Variants in PRXL2C observed in about 807,000 individuals in gnomAD.
The protein encoded by PRXL2C is peroxiredoxin like 2C, also known as peroxiredoxin-like 2C.
PRXL2C carries 38 observed loss-of-function variants against 24.9 expected under a neutral mutation model. That is an observed-to-expected ratio of 1.53 (90% CI 1.18 to 2.00). PRXL2C has a LOEUF of 2.00. PRXL2C is among the 30% of genes most tolerant of loss of function. PRXL2C has a pLI of 0.00. For synonymous variants in PRXL2C, 98 were observed against 117.2 expected (o/e 0.84, Z 1.06); for missense variants, 294 against 290.9 (o/e 1.01, Z -0.08).
At chr9:96,644,057 C>T (rs904992056) in intron 5 of PRXL2C, among the ~76,000 whole-genome samples, 3 of 147,622 alleles carry the variant, frequency 2.0e-5, no homozygotes, top group South Asian at 2.2e-4. Context: ...CGCTTGATCC[C>T]GGGAGGCGGA....
In PRXL2C at chr9:96,639,645, TGAATAC is replaced by T. The variant is rs1440659803; in HGVS notation, c.*2108_*2113del. The T allele has an allele frequency of 6.6e-6, 1 of 152,222 alleles. No homozygotes were observed. The highest frequency in any genetic ancestry group is 2.4e-5 in the African/African-American group (1 of 41,456). The allele number at this position is 152,222 out of a possible 1,614,324, so 9.4% of individuals were successfully genotyped here. Reference sequence around the variant, plus strand: ...AAACATGAAGATATATTCAAATATTTGAATACATTAGTTTTTTTTGTAACTTTATAT... The same window carrying T: ...AAACATGAAGATATATTCAAATATTTATTAGTTTTTTTTGTAACTTTATAT... On this transcript the variant is annotated 3_prime_UTR_variant, in exon 6 of 6. Coordinates refer to ENST00000375234, the MANE Select transcript of PRXL2C (RefSeq NM_153698.2).
At position 96,641,824 on chromosome 9, in the gene PRXL2C, CAG is replaced by C; in HGVS notation, c.614_615del (p.Ser205CysfsTer24). 8.3e-6 allele frequency: 13 copies of C among 1,571,030 alleles called. No individual in the cohort carries two copies. The highest frequency in any genetic ancestry group is 1.1e-5 in the Non-Finnish European group (13 of 1,149,288). On this transcript the variant is annotated frameshift_variant, in exon 6 of 6. Coordinates refer to ENST00000375234, the MANE Select transcript of PRXL2C (RefSeq NM_153698.2). LOFTEE classifies it high-confidence loss of function. ...TGCTGAACTCCTACAAGCTGTAAAACAGAGTTGATAGGTTTGTGATCCAACCT... is the reference window on the plus strand; with the variant it reads ...TGCTGAACTCCTACAAGCTGTAAAACAGTTGATAGGTTTGTGATCCAACCT... Reference protein sequence around the residue: ...RNRLDHKPINSVLQLVGVQHV... With the variant: ...RNRLDHKPINXVLQLVGVQHV...
At chr9:96,646,423 T>C (rs941132430) in intron 4 of PRXL2C, among the ~76,000 whole-genome samples, 5 of 152,212 alleles carry the variant, frequency 3.3e-5, no homozygotes, top group African/African-American at 1.2e-4. Flanking sequence ...GTGCTTTCCA[T>C]TTTAATTCCC....
chr9:96,650,325 T>C (rs1271771184), intron 4 of PRXL2C, among the ~76,000 whole-genome samples: 1 of 152,228 alleles, frequency 6.6e-6, no homozygotes, highest in African/African-American at 2.4e-5. Context: ...TTATTGATTT[T>C]TGTTTGAATT....
At chr9:96,643,872 C>T (rs889792941) in intron 5 of PRXL2C, among the ~76,000 whole-genome samples, 5 of 152,038 alleles carry the variant, frequency 3.3e-5, no homozygotes, top group African/African-American at 4.8e-5. Context: ...TGGTGGCTCA[C>T]ACCTGTAATC....
In PRXL2C at chr9:96,641,661, AG is replaced by A; in HGVS notation, c.*97del. On this transcript the variant is annotated 3_prime_UTR_variant, in exon 6 of 6. Coordinates refer to ENST00000375234, the MANE Select transcript of PRXL2C (RefSeq NM_153698.2). Reference sequence around the variant, plus strand: ...TTCCCTAACTCCTCAAAGGCTGGGAAGGGACAGCAGGTTAGACACTGCACGA... The same window carrying A: ...TTCCCTAACTCCTCAAAGGCTGGGAAGGACAGCAGGTTAGACACTGCACGA... 1 of 1,246,350 alleles carries A rather than the reference AG, an allele frequency of 8.0e-7. No homozygotes were observed. The highest frequency in any genetic ancestry group is 2.8e-5 in the East Asian group (1 of 36,356). 77.2% of individuals were successfully genotyped at this position (1,246,350 alleles called of 1,614,324 possible).
intron 1 of PRXL2C, 121 bp from the exon 2 acceptor site, chr9:96,654,894 C>T: frequency 1.7e-6 from 2 of 1,200,304 alleles, no homozygotes; most frequent in East Asian, 3.0e-5. Context: ...CCGGGACCGG[C>T]GGCTCGGGCG....
At position 96,641,787 on chromosome 9, in the gene PRXL2C, G is replaced by T; in HGVS notation, c.653C>A (p.Thr218Lys). Residue 218 changes from threonine to lysine, a missense_variant, in exon 6 of 6, where the codon ACA becomes AAA. Transcript: ENST00000375234. Reference protein sequence around the residue: ...QLVGVQHVNFTNRPSVIHV With the variant: ...QLVGVQHVNFKNRPSVIHV ...CACATGGATAACTGAAGGTCTGTTT[G>T]TAAAGTTCACATGCTGAACTCCTAC... 1.9e-6 allele frequency: 3 copies of T among 1,578,430 alleles called. No homozygotes were observed. Among genetic ancestry groups the T allele is most frequent in the Non-Finnish European group, 2.6e-6 (3 of 1,153,720 alleles).
At chr9:96,651,269 C>A in intron 4 of PRXL2C, 121 bp downstream of exon 4, 1 of 702,944 alleles carries the variant, frequency 1.4e-6, no homozygotes, top group Non-Finnish European at 2.4e-6. Flanking sequence ...CAGAGTGAGA[C>A]TCCATCTCAA....
In PRXL2C at chr9:96,655,162, C is replaced by T. The variant is rs1220357091; in HGVS notation, c.120G>A (p.Leu40=). Reference sequence around the variant, plus strand: ...ACGGTACCCGCTGCCCGCGGGCGTCCAGCACCGGCAGCTCGGCCACGGCGG... The same window carrying T: ...ACGGTACCCGCTGCCCGCGGGCGTCTAGCACCGGCAGCTCGGCCACGGCGG... ...LAAAVAELPV[L]DARGQRVPFG... is the part of the protein sequence containing the mutation. The change falls in exon 1 of 6, where the codon CTG becomes CTA. Residue 40 remains leucine, a synonymous_variant. Transcript: ENST00000375234. 1.8e-5 allele frequency: 22 copies of T among 1,243,702 alleles called. No homozygotes were observed. Among genetic ancestry groups the T allele is most frequent in the Non-Finnish European group, 2.2e-5 (22 of 996,720 alleles). 77.0% of individuals were successfully genotyped at this position (1,243,702 alleles called of 1,614,324 possible). A position where few individuals can be genotyped will look rare whatever the true frequency, so the allele number is the denominator to read the frequency against.
At chr9:96,643,468 G>A (rs1204455011) in intron 5 of PRXL2C, among the ~76,000 whole-genome samples, 1 of 152,026 alleles carries the variant, frequency 6.6e-6, no homozygotes. Flanking sequence ...GGATTGTCTC[G>A]ATCTCCCGAC....
intron 4 of PRXL2C, among the ~76,000 whole-genome samples, chr9:96,651,119 A>C (rs1848259108): frequency 6.6e-6 from 1 of 152,148 alleles, no homozygotes; most frequent in Non-Finnish European, 1.5e-5. Flanking sequence ...TCTACTAAAA[A>C]TATAAAAAAT....
At chr9:96,655,020 C>A (rs1228608246) in intron 1 of PRXL2C, 70 bp downstream of exon 1, 3 of 1,401,524 alleles carry the variant, frequency 2.1e-6, no homozygotes, top group Admixed American at 6.5e-5. Flanking sequence ...GCAGGAGGCG[C>A]GGCTCGCATC....
rs1848100992 is a variant in PRXL2C, at chr9:96,640,564, A to G, written c.*1195T>C. ...AAAAAAAAGCCAGGCAAGGTGGCTC[A>G]TACCTGTAATCCCAACACATTGGGA... On this transcript the variant is annotated 3_prime_UTR_variant, in exon 6 of 6. Coordinates refer to ENST00000375234, the MANE Select transcript of PRXL2C (RefSeq NM_153698.2). 1 of 142,202 alleles carries G rather than the reference A, an allele frequency of 7.0e-6. No homozygotes were observed. The highest frequency in any genetic ancestry group is 2.2e-4 in the South Asian group (1 of 4,516). The allele number at this position is 142,202 out of a possible 1,614,324, so 8.8% of individuals were successfully genotyped here.
chr9:96,650,868 C>T (rs868184763), intron 4 of PRXL2C, among the ~76,000 whole-genome samples: 11 of 152,220 alleles, frequency 7.2e-5, no homozygotes, highest in African/African-American at 2.6e-4. Flanking sequence ...AAAAATGGAA[C>T]CACATTGAAA....
chr9:96,655,071 AG>A lies in PRXL2C; in HGVS notation c.192+18del, dbSNP rs1807376090. The A allele has an allele frequency of 6.9e-7, 1 of 1,457,290 alleles. No individual in the cohort carries two copies. The highest frequency in any genetic ancestry group is 1.5e-5 in the African/African-American group (1 of 67,544). 90.3% of individuals were successfully genotyped at this position (1,457,290 alleles called of 1,614,324 possible). A position where few individuals can be genotyped will look rare whatever the true frequency, so the allele number is the denominator to read the frequency against. ...GGACCCTGGGCCGCGCTTCCCTTCCAGCCCCGCCGCCCGCTCACCCGCACGA... is the reference window on the plus strand; with the variant it reads ...GGACCCTGGGCCGCGCTTCCCTTCCACCCCGCCGCCCGCTCACCCGCACGA... On this transcript the variant is annotated intron_variant, in intron 1 of 5. Coordinates refer to ENST00000375234, the MANE Select transcript of PRXL2C (RefSeq NM_153698.2).
chr9:96,642,190 G>A (rs1216144879), intron 5 of PRXL2C, among the ~76,000 whole-genome samples: 10 of 151,998 alleles, frequency 6.6e-5, no homozygotes, highest in African/African-American at 1.7e-4. Flanking sequence ...CCTGTCAGAC[G>A]GGCAGAATAC....
chr9:96,650,700 C>T (rs756902127), intron 4 of PRXL2C, among the ~76,000 whole-genome samples: 20 of 151,936 alleles, frequency 1.3e-4, no homozygotes, highest in Admixed American at 2.6e-4. Context: ...TACTACTTTC[C>T]GTTTAATTAC....
At chr9:96,651,762 T>G (rs749156887) in intron 2 of PRXL2C, 50 bp from the exon 3 acceptor site, 1 of 1,473,078 alleles carries the variant, frequency 6.8e-7, no homozygotes, top group East Asian at 2.3e-5. Context: ...TTATGCATGT[T>G]TTATACAACA....
Sources: allele counts gnomAD v4.1 joint callset (sites outside exome capture counted in the v4.1 genomes callset), GRCh38; gene constraint gnomAD v4.1.1; transcripts MANE v1.5; gene names NCBI Gene and HGNC (gene_info 2026-07-23, HGNC 2026-07-21).